SGCD: variants seen among roughly 807,000 people sequenced by gnomAD.
SGCD encodes sarcoglycan delta.
In SGCD, 18 loss-of-function variants were observed where a neutral mutation model predicts 36.6. That is an observed-to-expected ratio of 0.49 (90% CI 0.34 to 0.73). SGCD has a LOEUF of 0.73. Among genes scored for constraint, SGCD ranks in the 30% least tolerant of loss-of-function variants. The pLI is 0.01. For missense variants in SGCD, 387 were observed against 346.7 expected, an observed-to-expected ratio of 1.12 and a Z score of -0.92; for synonymous variants, 133 against 130.6, an observed-to-expected ratio of 1.02 and a Z score of -0.12.
intron 1 of SGCD, among the ~76,000 whole-genome samples, chr5:156,054,417 C>G (rs1760007538): frequency 6.9e-6 from 1 of 143,944 alleles, no homozygotes; most frequent in Non-Finnish European, 1.6e-5. Context: ...TCCCAACTAC[C>G]TGGGACTACA....
intron 3 of SGCD, among the ~76,000 whole-genome samples, chr5:156,425,972 T>G (rs925300844): frequency 6.6e-6 from 1 of 152,140 alleles, no homozygotes; most frequent in African/African-American, 2.4e-5. Context: ...GATGGGTATT[T>G]ACGTTGGTTT....
At chr5:155,750,781 G>A in the SGCD span, among the ~76,000 whole-genome samples, 1 of 152,308 alleles carries the variant, frequency 6.6e-6, no homozygotes, top group East Asian at 1.9e-4. Context: ...TTACTTGGGA[G>A]TCCTCAAGTC....
intron 3 of SGCD, among the ~76,000 whole-genome samples, chr5:156,291,396 A>G (rs924345889): frequency 5.3e-5 from 8 of 152,164 alleles, no homozygotes; most frequent in African/African-American, 1.9e-4. Context: ...ATCACTAAAA[A>G]TAAATAAAAT....
At chr5:156,476,183 A>G (rs538686078) in intron 3 of SGCD, among the ~76,000 whole-genome samples, 5 of 152,224 alleles carry the variant, frequency 3.3e-5, no homozygotes, top group Non-Finnish European at 5.9e-5. Context: ...GGAGAATAGC[A>G]TGGAGATTTG....
chr5:155,798,832 T>C, the SGCD span, among the ~76,000 whole-genome samples: 3 of 152,306 alleles, frequency 2.0e-5, no homozygotes, highest in East Asian at 5.8e-4. Flanking sequence ...GGGAAAAACA[T>C]ACTGTTTCCC....
intron 5 of SGCD, 125 bp downstream of exon 5, chr5:156,589,443 G>C (rs939625384): frequency 3.3e-6 from 2 of 603,070 alleles, no homozygotes; most frequent in Non-Finnish European, 6.0e-6. Context: ...TTGAGAAAGA[G>C]AATGTAGCAT....
intron 3 of SGCD, among the ~76,000 whole-genome samples, chr5:156,365,706 A>G (rs1202118386): frequency 6.6e-6 from 1 of 152,180 alleles, no homozygotes; most frequent in Non-Finnish European, 1.5e-5. Context: ...ATATGTGTGT[A>G]TGTAGACATA....
intron 1 of SGCD, among the ~76,000 whole-genome samples, chr5:156,021,479 C>T (rs890849469): frequency 3.3e-5 from 5 of 152,080 alleles, no homozygotes; most frequent in Admixed American, 1.3e-4. Flanking sequence ...GTGATCACAG[C>T]ACTGCAGTTC....
chr5:156,488,102 T>A lies in SGCD; in HGVS notation c.193-20499T>A, dbSNP rs944110282. On this transcript the variant is annotated intron_variant, in intron 3 of 8. Coordinates refer to ENST00000337851, the MANE Select transcript of SGCD (RefSeq NM_000337.6). Reference sequence around the variant, plus strand: ...AACTTCTGAACTTGAAGACAGGTTTTTTTTTTTTTTTTTTTTTTTTTTAAA... The same window carrying A: ...AACTTCTGAACTTGAAGACAGGTTTATTTTTTTTTTTTTTTTTTTTTTAAA... 6.2e-3 allele frequency among the ~76,000 whole-genome samples: 465 copies of A among 74,526 alleles called. 8 individuals are homozygous for A. The highest frequency in any genetic ancestry group is 0.03 in the African/African-American group (294 of 9,792). The allele number at this position is 74,526 out of a possible 152,430, so 48.9% of individuals were successfully genotyped here.
chr5:156,723,152 T>C (rs187138218), intron 7 of SGCD, among the ~76,000 whole-genome samples: 1 of 152,334 alleles, frequency 6.6e-6, no homozygotes. Context: ...TTAAATGATA[T>C]ATCTGCCAGG....
chr5:156,539,356 GT>G (rs1275965799), intron 4 of SGCD, among the ~76,000 whole-genome samples: 1 of 151,884 alleles, frequency 6.6e-6, no homozygotes, highest in Admixed American at 6.6e-5. Flanking sequence ...TGGTGCACCT[GT>G]CCCCTGAGAA....
chr5:156,011,807 C>T (rs1289379333), intron 1 of SGCD, among the ~76,000 whole-genome samples: 3 of 152,126 alleles, frequency 2.0e-5, no homozygotes, highest in Non-Finnish European at 4.4e-5. Flanking sequence ...TTCTGTAAAT[C>T]CAGATCTCTC....
chr5:155,945,642 A>C (rs1329987919), intron 1 of SGCD, among the ~76,000 whole-genome samples: 2 of 152,126 alleles, frequency 1.3e-5, no homozygotes, highest in Non-Finnish European at 2.9e-5. Flanking sequence ...TCCAAGCATA[A>C]GTGCAGATTG....
At chr5:156,240,226 T>A (rs1765274496) in intron 3 of SGCD, among the ~76,000 whole-genome samples, 1 of 152,208 alleles carries the variant, frequency 6.6e-6, no homozygotes, top group South Asian at 2.1e-4. Flanking sequence ...TTTGCAGTTT[T>A]TGCTTCTTTC....
intron 7 of SGCD, among the ~76,000 whole-genome samples, chr5:156,712,813 C>T (rs903746026): frequency 5.3e-5 from 8 of 152,196 alleles, no homozygotes; most frequent in Non-Finnish European, 8.8e-5. Flanking sequence ...TCCAGGACAG[C>T]CTGGCTTCCC....
chr5:156,249,321 G>T (rs910328184), intron 3 of SGCD, among the ~76,000 whole-genome samples: 2 of 152,134 alleles, frequency 1.3e-5, no homozygotes, highest in African/African-American at 4.8e-5. Context: ...AGATGAGAGT[G>T]TTCAATTAGG....
chr5:156,614,197 G>T (rs1376773506), intron 6 of SGCD, among the ~76,000 whole-genome samples: 1 of 152,054 alleles, frequency 6.6e-6, no homozygotes, highest in Non-Finnish European at 1.5e-5. Context: ...TACCTGCCTC[G>T]GCCTCACAAA....
At chr5:155,762,749 T>C in the SGCD span, among the ~76,000 whole-genome samples, 1 of 152,292 alleles carries the variant, frequency 6.6e-6, no homozygotes, top group Admixed American at 6.5e-5. Context: ...TCCAGTAGTG[T>C]CCTATTTCAC....
chr5:156,068,123 T>A (rs1309445115), intron 1 of SGCD, among the ~76,000 whole-genome samples: 1 of 106,360 alleles, frequency 9.4e-6, no homozygotes, highest in Non-Finnish European at 2.2e-5. Flanking sequence ...TTATTTTATT[T>A]TATGTTATTT....
Sources: allele counts gnomAD v4.1 joint callset (sites outside exome capture counted in the v4.1 genomes callset), GRCh38; gene constraint gnomAD v4.1.1; transcripts MANE v1.5; gene names NCBI Gene and HGNC (gene_info 2026-07-23, HGNC 2026-07-21).